Variants in CHODL observed in about 807,000 individuals in gnomAD.
CHODL encodes chondrolectin.
In CHODL, 29 loss-of-function variants were observed where a neutral mutation model predicts 34.5. The observed-to-expected ratio is 0.84, with a 90% CI of 0.63 to 1.15. The LOEUF is 1.15. Among genes scored for constraint, CHODL ranks in the 50% most tolerant of loss-of-function variants. The pLI is 0.00. For synonymous variants in CHODL, 125 were observed against 116.1 expected, an observed-to-expected ratio of 1.08 and a Z score of -0.49; for missense variants, 332 against 332.5, an observed-to-expected ratio of 1.00 and a Z score of 0.01.
chr21:18,213,281 G>A (rs552042016), intron 2 of CHODL, among the ~76,000 whole-genome samples: 2 of 152,162 alleles, frequency 1.3e-5, no homozygotes, highest in South Asian at 2.1e-4. Flanking sequence ...CTTATAAAAT[G>A]ATTATTAGCA....
intron 2 of CHODL, among the ~76,000 whole-genome samples, chr21:18,086,041 C>CTTTTTT (rs3984977): frequency 1.3e-4 from 5 of 38,736 alleles, no homozygotes; most frequent in African/African-American, 2.6e-4. Context: ...AGACTTTGTT[C>CTTTTTT]TTTTTTTTTT....
At chr21:18,265,310 C>CACACATATATATAT (rs1555887739) in intron 5 of CHODL, among the ~76,000 whole-genome samples, 7 of 147,150 alleles carry the variant, frequency 4.8e-5, no homozygotes, top group African/African-American at 1.8e-4. Context: ...CACACACACA[C>CACACATATATATAT]ATATATATAT....
At chr21:18,199,162 T>G (rs557782374) in intron 2 of CHODL, among the ~76,000 whole-genome samples, 4 of 152,118 alleles carry the variant, frequency 2.6e-5, no homozygotes, top group Non-Finnish European at 5.9e-5. Context: ...GTAACAGAAC[T>G]CCAGAAAATA....
At chr21:18,170,589 A>T (rs1318728790) in intron 2 of CHODL, among the ~76,000 whole-genome samples, 1 of 152,006 alleles carries the variant, frequency 6.6e-6, no homozygotes, top group African/African-American at 2.4e-5. Flanking sequence ...TGTCCTGGGG[A>T]TTACAATTAA....
intron 1 of CHODL, among the ~76,000 whole-genome samples, chr21:18,252,302 A>G (rs1051711839): frequency 2.0e-5 from 3 of 152,310 alleles, no homozygotes; most frequent in Admixed American, 1.3e-4. Context: ...TTATCTGAAC[A>G]TAACATTTGA....
At chr21:18,217,537 G>A (rs2073842309) in intron 2 of CHODL, among the ~76,000 whole-genome samples, 1 of 151,970 alleles carries the variant, frequency 6.6e-6, no homozygotes, top group Admixed American at 6.6e-5. Context: ...CAGCAGAGGT[G>A]GGGATTATAG....
At chr21:18,126,341 G>A (rs2065543894) in intron 2 of CHODL, among the ~76,000 whole-genome samples, 3 of 152,140 alleles carry the variant, frequency 2.0e-5, no homozygotes, top group Non-Finnish European at 1.5e-5. Context: ...AAGAAACAAT[G>A]CTGTTGCATA....
chr21:18,104,842 T>G (rs749701232), intron 2 of CHODL, among the ~76,000 whole-genome samples: 1 of 152,236 alleles, frequency 6.6e-6, no homozygotes, highest in African/African-American at 2.4e-5. Context: ...TTTTAAAAGA[T>G]TTCTAACCAT....
intron 2 of CHODL, among the ~76,000 whole-genome samples, chr21:18,085,778 T>G (rs1284450426): frequency 6.6e-6 from 1 of 152,170 alleles, no homozygotes; most frequent in African/African-American, 2.4e-5. Flanking sequence ...CTTTTTAATT[T>G]TAAAAATCTT....
chr21:18,073,225 G>A (rs968137081), intron 2 of CHODL, among the ~76,000 whole-genome samples: 3 of 152,058 alleles, frequency 2.0e-5, no homozygotes, highest in African/African-American at 7.2e-5. Context: ...TGGAATACAA[G>A]GTTAGTACTA....
chr21:18,116,985 C>T (rs1310903457), intron 2 of CHODL, among the ~76,000 whole-genome samples: 1 of 152,188 alleles, frequency 6.6e-6, no homozygotes, highest in Non-Finnish European at 1.5e-5. Context: ...AGAGCTTCAG[C>T]AAGTAGTGAC....
intron 1 of CHODL, among the ~76,000 whole-genome samples, chr21:17,972,396 T>C (rs909445494): frequency 2.6e-5 from 4 of 152,160 alleles, no homozygotes; most frequent in African/African-American, 4.8e-5. Flanking sequence ...GAAAACCCCA[T>C]TGTCTCAGCC....
chr21:17,943,197 T>C (rs569002910), intron 1 of CHODL, among the ~76,000 whole-genome samples: 1 of 152,298 alleles, frequency 6.6e-6, no homozygotes, highest in South Asian at 2.1e-4. Flanking sequence ...TGAAGATTAT[T>C]CTAGGTAATA....
chr21:18,159,203 C>T (rs1205526002), intron 2 of CHODL, among the ~76,000 whole-genome samples: 1 of 152,148 alleles, frequency 6.6e-6, no homozygotes, highest in African/African-American at 2.4e-5. Flanking sequence ...AGGCCTCCCG[C>T]CAACAAAGAA....
At chr21:17,940,867 G>A (rs547164610) in intron 1 of CHODL, among the ~76,000 whole-genome samples, 7 of 152,210 alleles carry the variant, frequency 4.6e-5, no homozygotes, top group East Asian at 1.9e-4. Flanking sequence ...CTGAATGGTC[G>A]TATCTGTAAA....
chr21:18,093,114 T>C (rs1032446176), intron 2 of CHODL, among the ~76,000 whole-genome samples: 2 of 152,120 alleles, frequency 1.3e-5, no homozygotes, highest in African/African-American at 4.8e-5. Flanking sequence ...TAACATACAA[T>C]GGTGCTTCAA....
chr21:18,254,269 G>A (rs904054550), intron 1 of CHODL, among the ~76,000 whole-genome samples: 1 of 146,438 alleles, frequency 6.8e-6, no homozygotes, highest in Non-Finnish European at 1.5e-5. Flanking sequence ...CAGGAATAAT[G>A]TTAATGGAGA....
chr21:18,254,743 T>C (rs565902862), intron 1 of CHODL, among the ~76,000 whole-genome samples: 1 of 152,262 alleles, frequency 6.6e-6, no homozygotes, highest in South Asian at 2.1e-4. Context: ...TAATCTGGCA[T>C]ATATATGTAA....
intron 2 of CHODL, among the ~76,000 whole-genome samples, chr21:18,145,586 T>C: frequency 6.6e-6 from 1 of 152,096 alleles, no homozygotes; most frequent in East Asian, 1.9e-4. Context: ...GCTGTTAAAA[T>C]GAGGCAATAA....
Sources: gnomAD v4.1 joint callset for allele counts (sites outside exome capture counted in the v4.1 genomes callset) on GRCh38, gnomAD v4.1.1 for gene constraint, MANE v1.5 for transcripts, NCBI Gene and HGNC (gene_info 2026-07-23, HGNC 2026-07-21) for gene names.